MYT1L: variants seen among roughly 807,000 people sequenced by gnomAD.
MYT1L encodes myelin transcription factor 1-like protein.
In MYT1L, 12 loss-of-function variants were observed where a neutral mutation model predicts 126.7. The observed-to-expected ratio is 0.09, with a 90% CI of 0.06 to 0.15. The LOEUF is 0.15. Among genes scored for constraint, MYT1L ranks in the 10% least tolerant of loss-of-function variants. MYT1L has a pLI of 1.00. For missense variants in MYT1L, 979 were observed against 1,585.2 expected (o/e 0.62, Z 6.49); for synonymous variants, 541 against 604.2 (o/e 0.90, Z 1.53).
At chr2:2,090,226 T>C (rs965702131) in intron 3 of MYT1L, among the ~76,000 whole-genome samples, 8 of 152,220 alleles carry the variant, frequency 5.3e-5, no homozygotes, top group Non-Finnish European at 1.0e-4. Context: ...TTGTTTTATG[T>C]GTGTTTCTGT....
chr2:2,220,392 C>T (rs1442134436), intron 2 of MYT1L, among the ~76,000 whole-genome samples: 1 of 152,094 alleles, frequency 6.6e-6, no homozygotes. Flanking sequence ...CTGAGTTTGT[C>T]TGAAGACCTG....
At chr2:1,987,925 G>A (rs1333303422) in intron 5 of MYT1L, among the ~76,000 whole-genome samples, 1 of 152,180 alleles carries the variant, frequency 6.6e-6, no homozygotes, top group African/African-American at 2.4e-5. Flanking sequence ...AACTCCCCCT[G>A]AAGCTGTCCT....
chr2:2,031,110 T>C (rs1165900686), intron 4 of MYT1L, among the ~76,000 whole-genome samples: 1 of 152,218 alleles, frequency 6.6e-6, no homozygotes, highest in Non-Finnish European at 1.5e-5. Flanking sequence ...CTTCAGAAGT[T>C]AAAATTTATT....
At chr2:2,060,233 C>T (rs1243031488) in intron 3 of MYT1L, among the ~76,000 whole-genome samples, 1 of 152,184 alleles carries the variant, frequency 6.6e-6, no homozygotes, top group South Asian at 2.1e-4. Context: ...TAGGCCATTT[C>T]CTCATTTTCA....
intron 2 of MYT1L, among the ~76,000 whole-genome samples, chr2:2,262,838 T>A (rs1423628384): frequency 1.8e-4 from 27 of 148,016 alleles, no homozygotes; most frequent in Non-Finnish European, 1.5e-5. Flanking sequence ...CACAGCATTT[T>A]TCTTTCGTAG....
chr2:1,805,478 A>G (rs1319807865), intron 22 of MYT1L, among the ~76,000 whole-genome samples: 1 of 152,216 alleles, frequency 6.6e-6, no homozygotes, highest in Non-Finnish European at 1.5e-5. Flanking sequence ...AAGGCCGGGC[A>G]TGGTGGCTCA....
chr2:1,818,411 C>T (rs976413426), intron 21 of MYT1L, among the ~76,000 whole-genome samples: 2 of 152,198 alleles, frequency 1.3e-5, no homozygotes, highest in Admixed American at 6.5e-5. Flanking sequence ...ACTCTAATAA[C>T]ATTTTATTTA....
intron 2 of MYT1L, among the ~76,000 whole-genome samples, chr2:2,210,670 C>T (rs956145855): frequency 1.3e-5 from 2 of 152,078 alleles, no homozygotes; most frequent in African/African-American, 4.8e-5. Flanking sequence ...GTGATTCCTC[C>T]AGTTTTGTTC....
chr2:2,139,616 G>T (rs1296807481), intron 3 of MYT1L, among the ~76,000 whole-genome samples: 3 of 151,616 alleles, frequency 2.0e-5, no homozygotes, highest in South Asian at 2.1e-4. Context: ...TCCAGCCTGG[G>T]TGACAGAGCG....
In MYT1L at chr2:1,956,232, T is replaced by G. The variant is rs575294379; in HGVS notation, c.153-12898A>C. On this transcript the variant is annotated intron_variant, in intron 8 of 24. Coordinates refer to ENST00000647738, the MANE Select transcript of MYT1L (RefSeq NM_001303052.2). ...ATCTATCTATCTATCTATCTGTCTA[T>G]CATCTATCTATCCTATTCTATATTT... 4.8e-4 allele frequency among the ~76,000 whole-genome samples: 72 copies of G among 149,276 alleles called. 3 individuals are homozygous for G. The highest frequency in any genetic ancestry group is 1.8e-3 in the African/African-American group (70 of 39,500).
chr2:2,083,409 G>A (rs1325244483), intron 3 of MYT1L, among the ~76,000 whole-genome samples: 2 of 152,224 alleles, frequency 1.3e-5, no homozygotes, highest in East Asian at 3.9e-4. Flanking sequence ...ACAGCCCGCT[G>A]TCACAGCTGT....
chr2:1,857,025 G>A (rs962558392), intron 18 of MYT1L, among the ~76,000 whole-genome samples: 1 of 152,188 alleles, frequency 6.6e-6, no homozygotes, highest in African/African-American at 2.4e-5. Context: ...AAGTGCACGC[G>A]GAGGCTCAGA....
chr2:2,001,864 C>T (rs2149655801), intron 4 of MYT1L, among the ~76,000 whole-genome samples: 1 of 152,256 alleles, frequency 6.6e-6, no homozygotes, highest in Middle Eastern at 3.4e-3. Flanking sequence ...CTTTTTCATT[C>T]CTCGAATGGG....
intron 2 of MYT1L, among the ~76,000 whole-genome samples, chr2:2,278,492 A>C (rs1338685162): frequency 6.6e-6 from 1 of 152,242 alleles, no homozygotes; most frequent in Admixed American, 6.5e-5. Flanking sequence ...TCAGTTACAA[A>C]AATGTGATTT....
chr2:2,148,695 T>C (rs930215299), intron 3 of MYT1L, among the ~76,000 whole-genome samples: 10 of 152,248 alleles, frequency 6.6e-5, no homozygotes, highest in Admixed American at 4.6e-4. Context: ...TGAACAGACA[T>C]CTCACAGAAA....
intron 9 of MYT1L, among the ~76,000 whole-genome samples, chr2:1,924,700 T>C (rs371472407): frequency 1.3e-5 from 2 of 152,242 alleles, no homozygotes; most frequent in South Asian, 2.1e-4. Flanking sequence ...TTATTAGACA[T>C]AGAGAATCGC....
chr2:1,887,686 T>C lies in MYT1L; in HGVS notation c.2521-77A>G. ...GACTGAGGGAGGTGGTTCGTGGCTCTGGGGTGGCCTCTACATCTTACACCT... is the reference window on the plus strand; with the variant it reads ...GACTGAGGGAGGTGGTTCGTGGCTCCGGGGTGGCCTCTACATCTTACACCT... On this transcript the variant is annotated intron_variant, in intron 16 of 24. Coordinates refer to ENST00000647738, the MANE Select transcript of MYT1L (RefSeq NM_001303052.2). The surrounding 1 kb of genome is among the most constrained non-coding windows in gnomAD (Gnocchi z 4.8). The C allele has an allele frequency of 6.3e-7, 1 of 1,583,612 alleles. No individual in the cohort carries two copies. The highest frequency in any genetic ancestry group is 8.7e-7 in the Non-Finnish European group (1 of 1,155,576).
At chr2:1,938,116 G>T (rs1431342117) in intron 9 of MYT1L, among the ~76,000 whole-genome samples, 3 of 152,196 alleles carry the variant, frequency 2.0e-5, no homozygotes, top group Non-Finnish European at 2.9e-5. Flanking sequence ...CTTTAGTCTA[G>T]AAAGCACATT....
At chr2:2,299,102 T>TGCG (rs1360813560) in intron 1 of MYT1L, among the ~76,000 whole-genome samples, 21 of 152,214 alleles carry the variant, frequency 1.4e-4, no homozygotes, top group Admixed American at 1.2e-3. Context: ...TCCATCCGCC[T>TGCG]TGGCCTCCCA....
Sources: allele counts gnomAD v4.1 joint callset (sites outside exome capture counted in the v4.1 genomes callset), GRCh38; gene constraint gnomAD v4.1.1; non-coding constraint Gnocchi (gnomAD v3.1); transcripts MANE v1.5; gene names NCBI Gene and HGNC (gene_info 2026-07-23, HGNC 2026-07-21).